Variants in SHF observed in about 807,000 individuals in gnomAD.
The protein encoded by SHF is Src homology 2 domain containing F.
In SHF, 30 loss-of-function variants were observed where a neutral mutation model predicts 42.4. The observed-to-expected ratio is 0.71, with a 90% CI of 0.53 to 0.96. The LOEUF is 0.96. Among genes scored for constraint, SHF ranks in the 40% least tolerant of loss-of-function variants. The pLI is 0.00. For missense variants in SHF, 598 were observed against 634.0 expected, an observed-to-expected ratio of 0.94 and a Z score of 0.61; for synonymous variants, 264 against 269.9, an observed-to-expected ratio of 0.98 and a Z score of 0.21.
At chr15:45,200,386 C>G (rs1194820622) in intron 1 of SHF, 1 of 214,806 alleles carries the variant, frequency 4.7e-6, no homozygotes, top group Non-Finnish European at 9.8e-6. Flanking sequence ...AAAACAAACT[C>G]CCCTTGCCGT....
chr15:45,176,337 CCTGA>C (rs1218741084), intron 2 of SHF, among the ~76,000 whole-genome samples: 3 of 150,160 alleles, frequency 2.0e-5, no homozygotes, highest in Admixed American at 6.7e-5. Flanking sequence ...TTTTGTCCTT[CCTGA>C]CTATCTCGAA....
chr15:45,172,525 C>T (rs911648614), intron 4 of SHF, among the ~76,000 whole-genome samples: 2 of 152,178 alleles, frequency 1.3e-5, no homozygotes, highest in African/African-American at 4.8e-5. Flanking sequence ...GCCCAGCCTT[C>T]TGTGCCACAC....
chr15:45,173,646 C>G lies in SHF; in HGVS notation c.918G>C (p.Leu306=). The G allele has an allele frequency of 6.4e-7, 1 of 1,551,480 alleles. No homozygotes were observed. Among genetic ancestry groups the G allele is most frequent in the Non-Finnish European group, 8.7e-7 (1 of 1,146,904 alleles). The change falls in exon 4 of 7, where the codon CTG becomes CTC. Residue 306 remains leucine, a synonymous_variant. Transcript: ENST00000690270. The part of the protein sequence containing the change: ...PVGQLDSSPS[L]PDGDRDISGP... ...CGGAGATGTCCCTGTCCCCATCAGG[C>G]AGGGAGGGGCTGCTGTCCAGCTGTC...
upstream of SHF, among the ~76,000 whole-genome samples, chr15:45,189,192 CA>C (rs1166122506): frequency 0.011 from 633 of 58,536 alleles, 2 homozygotes; most frequent in African/African-American, 0.029. Flanking sequence ...GACTCCGTCT[CA>C]AAAAAAAAAA....
At position 45,198,733 on chromosome 15, in the gene SHF, G is replaced by A. The variant is rs1383660705; in HGVS notation, c.303+39C>T. Reference sequence around the variant, plus strand: ...CTGATTATCCTCTTCAACAGTCATAGGCCTTCCCAGTTTGCGCGTCATTAA... The same window carrying A: ...CTGATTATCCTCTTCAACAGTCATAAGCCTTCCCAGTTTGCGCGTCATTAA... On this transcript the variant is annotated intron_variant, in intron 2 of 7. Transcript: ENST00000290894. 4 of 1,585,762 alleles carry A rather than the reference G, an allele frequency of 2.5e-6. No homozygotes were observed. The South Asian group carries it at 4.6e-5, about 18-fold the overall frequency.
upstream of SHF, among the ~76,000 whole-genome samples, chr15:45,188,445 T>C (rs1305031443): frequency 1.3e-5 from 2 of 152,132 alleles, no homozygotes; most frequent in Non-Finnish European, 2.9e-5. Context: ...GTAAGATGTG[T>C]CTGTAAGCCT....
At chr15:45,194,549 A>C (rs1347670093) in intron 2 of SHF, among the ~76,000 whole-genome samples, 3 of 152,040 alleles carry the variant, frequency 2.0e-5, no homozygotes, top group African/African-American at 7.2e-5. Flanking sequence ...ACAGGGTTTC[A>C]CCATGTTGGC....
intron 2 of SHF, among the ~76,000 whole-genome samples, chr15:45,194,479 G>T (rs1375563209): frequency 6.6e-6 from 1 of 151,982 alleles, no homozygotes; most frequent in Non-Finnish European, 1.5e-5. Context: ...AGCCTCCTTA[G>T]TAGCTGAGGT....
chr15:45,187,302 G>A (rs1190894120), intron 1 of SHF, among the ~76,000 whole-genome samples, 152 bp downstream of exon 1: 3 of 152,204 alleles, frequency 2.0e-5, no homozygotes, highest in African/African-American at 7.2e-5. Flanking sequence ...AACAAAGGTG[G>A]GTGAAGGCTC....
intron 4 of SHF, 72 bp downstream of exon 4, chr15:45,173,504 C>G: frequency 7.0e-7 from 1 of 1,432,204 alleles, no homozygotes; most frequent in Non-Finnish European, 9.1e-7. Context: ...CCTCTCAGCT[C>G]CTCCAACCCA....
intron 2 of SHF, among the ~76,000 whole-genome samples, chr15:45,196,741 CA>C (rs991576857): frequency 1.3e-5 from 2 of 151,340 alleles, no homozygotes; most frequent in African/African-American, 4.8e-5. Flanking sequence ...ACTAAAAATA[CA>C]AAAAAAATTA....
Position 45,167,806 on chromosome 15 carries a change from A to G in SHF, c.*141T>C. Reference sequence around the variant, plus strand: ...CCAGGAGCCCTTTCCCTTTAGAATAAATTAAGGAATCTCCAGCTTCTACTG... The same window carrying G: ...CCAGGAGCCCTTTCCCTTTAGAATAGATTAAGGAATCTCCAGCTTCTACTG... On this transcript the variant is annotated 3_prime_UTR_variant, in exon 7 of 7. Transcript: ENST00000690270. The G allele has an allele frequency of 3.8e-6, 3 of 797,706 alleles. No individual in the cohort carries two copies. In the South Asian group the frequency reaches 1.2e-4, roughly 31 times the overall value. The allele number at this position is 797,706 out of a possible 1,614,324, so 49.4% of individuals were successfully genotyped here.
intron 1 of SHF, chr15:45,199,211 T>A: frequency 1.0e-6 from 1 of 987,946 alleles, no homozygotes; most frequent in Non-Finnish European, 1.4e-6. Context: ...CATACTCCCC[T>A]GACAGCCCTG....
intron 4 of SHF, 115 bp from the exon 5 acceptor site, chr15:45,172,433 AT>A: frequency 8.4e-7 from 1 of 1,194,044 alleles, no homozygotes; most frequent in South Asian, 1.6e-5. Context: ...GATCAAAGGA[AT>A]GCTCTAGGAG....
intron 2 of SHF, among the ~76,000 whole-genome samples, chr15:45,195,167 A>C (rs1898828259): frequency 6.6e-6 from 1 of 152,244 alleles, no homozygotes; most frequent in Admixed American, 6.5e-5. Flanking sequence ...ATATCACCAA[A>C]TGAACATACC....
intron 6 of SHF, chr15:45,171,620 A>G: frequency 2.0e-6 from 1 of 510,906 alleles, no homozygotes. Flanking sequence ...AAGGAAACTG[A>G]GGCCTAGAGA....
At chr15:45,178,955 T>TCCAAGCAGGACCTGGTG (rs1897979394) in intron 1 of SHF, among the ~76,000 whole-genome samples, 1 of 152,206 alleles carries the variant, frequency 6.6e-6, no homozygotes, top group Non-Finnish European at 1.5e-5. Context: ...GGACCATAGC[T>TCCAAGCAGGACCTGGTG]TACACCAGGT....
At chr15:45,199,216 G>A (rs1898984007) in intron 1 of SHF, 2 of 989,746 alleles carry the variant, frequency 2.0e-6, no homozygotes, top group Non-Finnish European at 2.9e-6. Context: ...TCCCCTGACA[G>A]CCCTGACTCC....
chr15:45,197,829 A>T (rs1414652690), intron 2 of SHF, among the ~76,000 whole-genome samples: 1 of 6,564 alleles, frequency 1.5e-4, no homozygotes, highest in Admixed American at 0.014. Context: ...CACCTCAGGA[A>T]AAAAAAAAAA....
Sources: gnomAD v4.1 joint callset for allele counts (sites outside exome capture counted in the v4.1 genomes callset) on GRCh38, gnomAD v4.1.1 for gene constraint, MANE v1.5 for transcripts, NCBI Gene and HGNC (gene_info 2026-07-23, HGNC 2026-07-21) for gene names.